MYO9B: variants seen among roughly 807,000 people sequenced by gnomAD.
MYO9B encodes the protein unconventional myosin-IXb.
A neutral mutation model predicts 229.5 loss-of-function variants in MYO9B; 71 were observed. That is an observed-to-expected ratio of 0.31 (90% CI 0.26 to 0.38). The LOEUF (loss-of-function observed/expected upper bound fraction) is 0.38. MYO9B is among the 10% of genes least tolerant of loss of function. The pLI, the probability that MYO9B is intolerant of heterozygous loss-of-function variation, is 1.00. For synonymous variants in MYO9B, 1,185 were observed against 1,235.8 expected, an observed-to-expected ratio of 0.96 and a Z score of 0.86; for missense variants, 2,255 against 2,920.5, an observed-to-expected ratio of 0.77 and a Z score of 5.25.
intron 1 of MYO9B, among the ~76,000 whole-genome samples, chr19:17,077,902 A>G (rs1185831006): frequency 6.6e-6 from 1 of 152,064 alleles, no homozygotes; most frequent in Non-Finnish European, 1.5e-5. Flanking sequence ...TGCACATTGC[A>G]CCTATTCCCA....
chr19:17,167,909 T>G, intron 10 of MYO9B, 34 bp from the exon 11 acceptor site: 2 of 1,551,110 alleles, frequency 1.3e-6, no homozygotes, highest in Non-Finnish European at 1.7e-6. Context: ...ATCTGGGAGA[T>G]AAGAAACTTA....
intron 2 of MYO9B, among the ~76,000 whole-genome samples, chr19:17,120,638 CAAAAAAAAAA>C (rs59262657): frequency 3.4e-5 from 3 of 86,984 alleles, no homozygotes; most frequent in East Asian, 3.2e-4. Context: ...GACTCTGTCT[CAAAAAAAAAA>C]AAAAAAAAAA....
chr19:17,079,138 C>T (rs909668215), intron 1 of MYO9B, among the ~76,000 whole-genome samples: 13 of 152,196 alleles, frequency 8.5e-5, no homozygotes, highest in African/African-American at 2.7e-4. Context: ...TCACCTCCCC[C>T]GCCAGGTGAA....
intron 30 of MYO9B, 32 bp downstream of exon 30, chr19:17,203,290 C>T: frequency 6.7e-7 from 1 of 1,488,498 alleles, no homozygotes; most frequent in Non-Finnish European, 9.1e-7. Context: ...CCCCAAAACC[C>T]TCCATGTCCC....
chr19:17,154,536 C>T (rs2072516721), intron 6 of MYO9B, 121 bp downstream of exon 6: 1 of 675,330 alleles, frequency 1.5e-6, no homozygotes, highest in Non-Finnish European at 2.5e-6. Flanking sequence ...GTGTCCTGAA[C>T]AGTGCCGCCA....
At position 17,212,286 on chromosome 19, in the gene MYO9B, C is replaced by G. The variant is rs375814398; in HGVS notation, c.6450C>G (p.Pro2150=). The change falls in exon 40 of 40, where the codon CCC becomes CCG. Residue 2150 remains proline (P), a synonymous_variant. Transcript: ENST00000682292. The surrounding 1 kb of genome is among the most constrained non-coding windows in gnomAD (Gnocchi z 5.4). ...YSDPPTYCLP[P]ASGQTNG ...ATCCCCCAACGTACTGCCTGCCCCC[C>G]GCCTCGGGCCAGACCAATGGCTGAG... 7.8e-5 allele frequency: 119 copies of G among 1,531,134 alleles called. No individual in the cohort carries two copies. The highest frequency in any genetic ancestry group is 9.5e-5 in the Non-Finnish European group (109 of 1,147,206). The allele number at this position is 1,531,134 out of a possible 1,614,324, so 94.8% of individuals were successfully genotyped here.
intron 2 of MYO9B, among the ~76,000 whole-genome samples, chr19:17,119,309 A>C (rs764596045): frequency 6.6e-6 from 1 of 152,184 alleles, no homozygotes; most frequent in Non-Finnish European, 1.5e-5. Flanking sequence ...ATGACGGGCA[A>C]GCATGGGGTG....
In MYO9B at chr19:17,172,968, G is replaced by A. The variant is rs1240466025; in HGVS notation, c.2140+5G>A. On this transcript the variant is annotated splice_donor_5th_base_variant and intron_variant, in intron 13 of 39. Transcript: ENST00000682292. This position sits in a 1 kb window ranked among gnomAD's most constrained non-coding sequence, Gnocchi z 8.2. ...AGAGGGCCGAAAAGGCTGCAGGTGG[G>A]AGCTGGGGCGTGAACCCACAAAAGC... The A allele has an allele frequency of 6.3e-7, 1 of 1,596,870 alleles. No homozygotes were observed. The highest frequency in any genetic ancestry group is 1.1e-5 in the South Asian group (1 of 90,966).
chr19:17,174,693 G>C (rs1164699645), intron 13 of MYO9B, among the ~76,000 whole-genome samples: 1 of 151,824 alleles, frequency 6.6e-6, no homozygotes, highest in Non-Finnish European at 1.5e-5. Context: ...CCAACACTTC[G>C]GGAGACCGAG....
At chr19:17,097,763 A>C (rs1446356962) in intron 1 of MYO9B, among the ~76,000 whole-genome samples, 2 of 152,194 alleles carry the variant, frequency 1.3e-5, no homozygotes, top group Non-Finnish European at 2.9e-5. Flanking sequence ...ACTCAGTCAC[A>C]GTGCTGAGTC....
chr19:17,168,576 C>T (rs919675167), intron 11 of MYO9B, among the ~76,000 whole-genome samples: 4 of 152,232 alleles, frequency 2.6e-5, no homozygotes, highest in African/African-American at 7.2e-5. Flanking sequence ...GTGATTAATT[C>T]GTGCACTTGA....
rs531618151 is a variant in MYO9B, at chr19:17,128,974, C to G, written c.841-16423C>G. On this transcript the variant is annotated intron_variant, in intron 2 of 39. Coordinates refer to ENST00000682292, the MANE Select transcript of MYO9B (RefSeq NM_004145.4). ...CAGCCGCAGCCTCTCTTGGCCATAC[C>G]GGTCACTCCTTCATCTCAGTGCCTG... Among the ~76,000 whole-genome samples, 15 of 152,316 alleles carry G rather than the reference C, an allele frequency of 9.8e-5. No homozygotes were observed. In the South Asian group the frequency reaches 2.9e-3, roughly 29 times the overall value.
rs186678820 is a variant in MYO9B, at chr19:17,104,994, C to T, written c.840+2437C>T. Among the ~76,000 whole-genome samples the T allele has an allele frequency of 1.9e-3, 288 of 152,132 alleles. 2 individuals carry two copies. Among genetic ancestry groups the T allele is most frequent in the Non-Finnish European group, 3.0e-3 (206 of 68,002 alleles). ...ACAAAAGTATAATGAATGTGTCTGCCGTTGGAGTGTCACAGAGTGGTGTCA... is the reference window on the plus strand; with the variant it reads ...ACAAAAGTATAATGAATGTGTCTGCTGTTGGAGTGTCACAGAGTGGTGTCA... On this transcript the variant is annotated intron_variant, in intron 2 of 39. Coordinates refer to ENST00000682292, the MANE Select transcript of MYO9B (RefSeq NM_004145.4).
At chr19:17,142,334 G>A (rs1203387790) in intron 2 of MYO9B, among the ~76,000 whole-genome samples, 3 of 152,228 alleles carry the variant, frequency 2.0e-5, no homozygotes, top group African/African-American at 7.2e-5. Context: ...CTGCTGATGG[G>A]GACAGTCTCC....
chr19:17,173,357 T>C (rs1229778305), intron 13 of MYO9B, among the ~76,000 whole-genome samples: 1 of 148,734 alleles, frequency 6.7e-6, no homozygotes, highest in Non-Finnish European at 1.5e-5. Context: ...CAGGCTCTAG[T>C]GTAATGACGC....
intron 11 of MYO9B, among the ~76,000 whole-genome samples, 167 bp downstream of exon 11, chr19:17,168,231 CA>C (rs1482020483): frequency 1.3e-5 from 2 of 152,160 alleles, no homozygotes; most frequent in East Asian, 1.9e-4. Context: ...GTGGTGCAAT[CA>C]AAGCTCACTG....
intron 14 of MYO9B, among the ~76,000 whole-genome samples, chr19:17,179,389 CTAG>C (rs1279068570): frequency 6.6e-6 from 1 of 151,348 alleles, no homozygotes; most frequent in Non-Finnish European, 1.5e-5. Flanking sequence ...GAGACCCTCC[CTAG>C]GGTCTTTTTT....
At position 17,172,675 on chromosome 19, in the gene MYO9B, C is replaced by T; in HGVS notation, c.1936-84C>T. On this transcript the variant is annotated intron_variant, in intron 12 of 39. Transcript: ENST00000682292. This position sits in a 1 kb window ranked among gnomAD's most constrained non-coding sequence, Gnocchi z 8.2. ...AGGATGGGCCCCACCCCACCGTCAGCCCTTCCTGCGCCAGCCCGGGGTCTT... is the reference window on the plus strand; with the variant it reads ...AGGATGGGCCCCACCCCACCGTCAGTCCTTCCTGCGCCAGCCCGGGGTCTT... 1.9e-6 allele frequency: 3 copies of T among 1,542,012 alleles called. No homozygotes were observed. The highest frequency in any genetic ancestry group is 1.7e-4 in the Middle Eastern group (1 of 5,884).
At position 17,209,649 on chromosome 19, in the gene MYO9B, C is replaced by T. The variant is rs1401096675; in HGVS notation, c.5688C>T (p.Ser1896=). The change falls in exon 36 of 40, where the codon AGC becomes AGT. Residue 1896 remains serine, a synonymous_variant. Transcript: ENST00000682292. ...ACAAAGTGAAGATGGAGGAGATCAG[C>T]CAACTGGAGGCTGCAGAGAGTATCG... ...RKYKVKMEEI[S]QLEAAESIAF... is the part of the protein sequence containing the mutation. 6.2e-7 allele frequency: 1 copy of T among 1,611,502 alleles called. No homozygotes were observed. The highest frequency in any genetic ancestry group is 1.1e-5 in the South Asian group (1 of 90,532).
Sources: gnomAD v4.1 joint callset for allele counts (sites outside exome capture counted in the v4.1 genomes callset) on GRCh38, gnomAD v4.1.1 for gene constraint, Gnocchi (gnomAD v3.1) non-coding constraint, MANE v1.5 for transcripts, NCBI Gene and HGNC (gene_info 2026-07-23, HGNC 2026-07-21) for gene names.